CAMTA1: variants seen among roughly 807,000 people sequenced by gnomAD.
CAMTA1 encodes the protein calmodulin binding transcription activator 1.
In CAMTA1, 27 loss-of-function variants were observed where a neutral mutation model predicts 170.9. The ratio of observed to expected loss-of-function variants is 0.16; its 90% CI spans 0.12 to 0.22. CAMTA1 has a LOEUF of 0.22. Ranked by LOEUF, CAMTA1 falls within the 10% of genes least tolerant of loss-of-function variation. The pLI, the probability that CAMTA1 is intolerant of heterozygous loss-of-function variation, is 1.00. For synonymous variants in CAMTA1, 833 were observed against 891.5 expected, an observed-to-expected ratio of 0.93 and a Z score of 1.17; for missense variants, 1,619 against 2,217.2, an observed-to-expected ratio of 0.73 and a Z score of 5.42.
chr1:7,680,394 G>A lies in CAMTA1; in HGVS notation c.2914+2661G>A, dbSNP rs1400069611. Among the ~76,000 whole-genome samples the A allele has an allele frequency of 2.6e-5, 4 of 152,154 alleles. No individual in the cohort carries two copies. Among genetic ancestry groups the A allele is most frequent in the African/African-American group, 7.2e-5 (3 of 41,468 alleles). ...AGGGCTGGGGAAGGGGTGGGCGCCA[G>A]GGGACTGCAGCGCGGAGCAAACTGG... On this transcript the variant is annotated intron_variant, in intron 11 of 22. Coordinates refer to ENST00000303635, the MANE Select transcript of CAMTA1 (RefSeq NM_015215.4). This position sits in a 1 kb window ranked among gnomAD's most constrained non-coding sequence, Gnocchi z 4.4.
rs1297058191 is a variant in CAMTA1, at chr1:7,747,753, T to G, written c.4661T>G (p.Ile1554Ser). Residue 1554 changes from isoleucine to serine, a missense_variant, in exon 19 of 23, where the codon ATT becomes AGT. Around this residue, in one of 8 missense-constraint regions of CAMTA1, gnomAD observed 128 missense variants for 213.5 expected, o/e 0.60. Transcript: ENST00000303635. ...REQQEVAAAV[I>S]QRCYRKYKQY... ...CAGCAAGAAGTAGCTGCTGCTGTTATTCAGCGTTGTTACAGAAAATATAAA... is the reference window on the plus strand; with the variant it reads ...CAGCAAGAAGTAGCTGCTGCTGTTAGTCAGCGTTGTTACAGAAAATATAAA... The G allele has an allele frequency of 6.2e-7, 1 of 1,613,074 alleles. No homozygotes were observed. The highest frequency in any genetic ancestry group is 2.2e-5 in the East Asian group (1 of 44,820).
chr1:7,659,139 C>T (rs1280337187), intron 7 of CAMTA1, among the ~76,000 whole-genome samples: 5 of 152,164 alleles, frequency 3.3e-5, no homozygotes, highest in East Asian at 1.9e-4. Context: ...GGAAAGGGAG[C>T]GGACACCCGG....
At chr1:7,745,145 C>T in intron 17 of CAMTA1, 123 bp downstream of exon 17, 2 of 946,086 alleles carry the variant, frequency 2.1e-6, no homozygotes, top group Middle Eastern at 3.4e-4. Context: ...AGGAAGGAAG[C>T]ATGAGGACAA....
intron 5 of CAMTA1, among the ~76,000 whole-genome samples, chr1:7,437,449 T>C (rs2092383780): frequency 6.6e-6 from 1 of 152,160 alleles, no homozygotes; most frequent in African/African-American, 2.4e-5. Flanking sequence ...CATGTTTACT[T>C]GGCATTCTAC....
intron 5 of CAMTA1, among the ~76,000 whole-genome samples, chr1:7,271,322 A>G (rs369484945): frequency 1.3e-5 from 2 of 152,204 alleles, no homozygotes; most frequent in East Asian, 3.8e-4. Context: ...ATTTGCTGGC[A>G]TCTTGATCAT....
chr1:6,919,823 T>C (rs1183783005), intron 3 of CAMTA1, among the ~76,000 whole-genome samples: 1 of 152,106 alleles, frequency 6.6e-6, no homozygotes, highest in Non-Finnish European at 1.5e-5. Context: ...CTGTCGGATC[T>C]CAGGAGACTT....
intron 4 of CAMTA1, among the ~76,000 whole-genome samples, chr1:7,187,030 A>G (rs1653453160): frequency 6.6e-6 from 1 of 152,066 alleles, no homozygotes; most frequent in African/African-American, 2.4e-5. Flanking sequence ...TTGGTCTGGG[A>G]GAAGGGCTGG....
rs373208521 is a variant in CAMTA1, at chr1:7,741,689, G to T, written c.4183-3146G>T. ...GTGGGAGGATCACCTGAGTTCAGGA[G>T]TTCGAGACCAGCCTGGCCAACATGG... On this transcript the variant is annotated intron_variant, in intron 16 of 22. Coordinates refer to ENST00000303635, the MANE Select transcript of CAMTA1 (RefSeq NM_015215.4). Among the ~76,000 whole-genome samples, 30 of 152,256 alleles carry T rather than the reference G, an allele frequency of 2.0e-4. No individual in the cohort carries two copies. In the East Asian group the frequency reaches 3.5e-3, roughly 18 times the overall value.
At chr1:7,480,363 ATG>A (rs944839875) in intron 6 of CAMTA1, among the ~76,000 whole-genome samples, 2 of 146,494 alleles carry the variant, frequency 1.4e-5, no homozygotes, top group Non-Finnish European at 3.0e-5. Context: ...GTGTTTGTGC[ATG>A]TGTGTGAGTG....
intron 6 of CAMTA1, among the ~76,000 whole-genome samples, chr1:7,502,453 C>T (rs1360773891): frequency 6.6e-6 from 1 of 152,224 alleles, no homozygotes; most frequent in African/African-American, 2.4e-5. Context: ...AATCTCCTTA[C>T]GAATTCCAAG....
At chr1:7,512,166 C>G (rs2094209823) in intron 6 of CAMTA1, among the ~76,000 whole-genome samples, 1 of 152,200 alleles carries the variant, frequency 6.6e-6, no homozygotes. Flanking sequence ...TACTGAGCAC[C>G]TGCTCTGTAC....
intron 11 of CAMTA1, chr1:7,700,941 G>A (rs1935229): frequency 0.91 from 139,212 of 152,256 alleles, 63,795 homozygotes; most frequent in East Asian, 1. Flanking sequence ...TAATCACTGT[G>A]GTAAAATTCC....
chr1:7,472,791 G>A (rs1313598744), intron 6 of CAMTA1, among the ~76,000 whole-genome samples: 1 of 152,162 alleles, frequency 6.6e-6, no homozygotes, highest in Non-Finnish European at 1.5e-5. Flanking sequence ...AAGCACCACA[G>A]GCATTGTGGC....
rs893533886 is a variant in CAMTA1 at position 7,663,617 on chromosome 1, G to A, written c.1070G>A (p.Ser357Asn). Residue 357 changes from serine (S) to asparagine (N), a missense_variant, in exon 9 of 23, where the codon AGC (serine) becomes AAC (asparagine). This residue lies in a region of CAMTA1 where 731 missense variants were observed against 907.6 expected (regional missense o/e 0.81). Coordinates refer to ENST00000303635, the MANE Select transcript of CAMTA1 (RefSeq NM_015215.4). ...NQVEVPDTTQSSPVSISSGLN... is the reference protein window; with the variant it reads ...NQVEVPDTTQNSPVSISSGLN... ...GTGGAAGTCCCCGACACCACCCAGA[G>A]CTCCCCTGTGTCCATCAGCAGCGGG... is the stretch of plus-strand genomic sequence containing the variant. The A allele has an allele frequency of 1.2e-6, 2 of 1,614,146 alleles. No homozygotes were observed. Among genetic ancestry groups the A allele is most frequent in the Non-Finnish European group, 8.5e-7 (1 of 1,180,036 alleles).
At chr1:7,031,308 T>C (rs1208025525) in intron 3 of CAMTA1, among the ~76,000 whole-genome samples, 1 of 152,188 alleles carries the variant, frequency 6.6e-6, no homozygotes, top group Non-Finnish European at 1.5e-5. Context: ...AACTTCTCTA[T>C]AATTAACTTC....
At chr1:7,433,609 C>A (rs920598184) in intron 5 of CAMTA1, among the ~76,000 whole-genome samples, 6 of 152,308 alleles carry the variant, frequency 3.9e-5, no homozygotes, top group East Asian at 1.9e-4. Context: ...CTGGAGGAAC[C>A]CCCAGAGAAC....
chr1:7,326,842 A>G (rs1001415305), intron 5 of CAMTA1, among the ~76,000 whole-genome samples: 2 of 152,204 alleles, frequency 1.3e-5, no homozygotes, highest in African/African-American at 4.8e-5. Flanking sequence ...TGAGTAGGAA[A>G]GAACATCAGA....
At chr1:6,968,396 C>T (rs1248454113) in intron 3 of CAMTA1, among the ~76,000 whole-genome samples, 2 of 152,220 alleles carry the variant, frequency 1.3e-5, no homozygotes, top group African/African-American at 2.4e-5. Context: ...GTGGAGATAC[C>T]GCCAGAGTTC....
chr1:7,267,446 T>C (rs1363186448), intron 5 of CAMTA1, among the ~76,000 whole-genome samples: 1 of 152,212 alleles, frequency 6.6e-6, no homozygotes, highest in East Asian at 1.9e-4. Flanking sequence ...TCAATGATTC[T>C]GCACATCAGC....
Sources: gnomAD v4.1 joint callset for allele counts (sites outside exome capture counted in the v4.1 genomes callset) on GRCh38, gnomAD v4.1.1 for gene constraint, gnomAD v4.1.1 regional missense constraint, Gnocchi (gnomAD v3.1) non-coding constraint, MANE v1.5 for transcripts, NCBI Gene and HGNC (gene_info 2026-07-23, HGNC 2026-07-21) for gene names.